METAP1: variants seen among roughly 807,000 people sequenced by gnomAD.
METAP1 encodes the protein methionyl aminopeptidase 1, also known as methionine aminopeptidase 1.
METAP1 carries 28 observed loss-of-function variants against 53.8 expected under a neutral mutation model. The ratio of observed to expected loss-of-function variants is 0.52; its 90% confidence interval spans 0.39 to 0.71. The LOEUF (loss-of-function observed/expected upper bound fraction) is 0.71. Ranked by LOEUF, METAP1 falls within the 30% of genes least tolerant of loss-of-function variation. The probability of loss-of-function intolerance (pLI) is 0.00; values close to 1 mark genes in which losing one functional copy is unlikely to be tolerated. For missense variants in METAP1, 389 were observed against 479.8 expected (o/e 0.81, Z 1.77); for synonymous variants, 181 against 165.7 (o/e 1.09, Z -0.71).
chr4:99,056,861 G>A (rs781692664), intron 9 of METAP1, among the ~76,000 whole-genome samples: 1 of 150,436 alleles, frequency 6.6e-6, no homozygotes, highest in Non-Finnish European at 1.5e-5. Flanking sequence ...GAGCCACTGC[G>A]CCCGGCCTTG....
chr4:99,054,794 C>T (rs1726977076), intron 9 of METAP1, among the ~76,000 whole-genome samples: 1 of 152,046 alleles, frequency 6.6e-6, no homozygotes, highest in Admixed American at 6.6e-5. Context: ...ATAGGGAGGC[C>T]TGAGGAGAGG....
Position 98,999,508 on chromosome 4 carries a change from A to ATTT in METAP1, c.114+3659_114+3661dup, listed in dbSNP as rs58336779. On this transcript the variant is annotated intron_variant, in intron 1 of 10. Transcript: ENST00000296411. ...AGAAATATTTTATCTAGGATGCTTA[A>ATTT]TTTTTTTTTTTTTTTTTTTTGAGAC... 4.0e-4 allele frequency among the ~76,000 whole-genome samples: 45 copies of ATTT among 113,042 alleles called. 2 individuals are homozygous for ATTT. Among genetic ancestry groups the ATTT allele is most frequent in the African/African-American group, 1.7e-3 (44 of 25,846 alleles). 74.2% of individuals were successfully genotyped at this position (113,042 alleles called of 152,430 possible).
At position 99,043,360 on chromosome 4, in the gene METAP1, C is replaced by G. The variant is rs538234745; in HGVS notation, c.628C>G (p.Pro210Ala). 14 of 1,602,538 alleles carry G rather than the reference C, an allele frequency of 8.7e-6. No homozygotes were observed. In the East Asian group the frequency reaches 3.1e-4, roughly 36 times the overall value. ...VICHGIPDRR[P>A]LQEGDIVNVD... ...TTGCCATGGAATACCAGACAGAAGG[C>G]CCTTACAAGAAGGTGACATTGTTAA... is the stretch of plus-strand genomic sequence containing the variant. The change falls in exon 7 of 11, where the codon CCC (proline) becomes GCC (alanine). Residue 210 changes from proline to alanine, a missense_variant. By Grantham distance (27) the Pro-to-Ala change is conservative. Transcript: ENST00000296411.
intron 1 of METAP1, among the ~76,000 whole-genome samples, chr4:99,021,316 A>G (rs1035786808): frequency 6.6e-6 from 1 of 152,162 alleles, no homozygotes; most frequent in Non-Finnish European, 1.5e-5. Flanking sequence ...TGGCTCATGC[A>G]CGAGGTCTCC....
intron 8 of METAP1, among the ~76,000 whole-genome samples, chr4:99,046,952 A>AG (rs1194874694): frequency 2.0e-5 from 3 of 150,704 alleles, no homozygotes; most frequent in Admixed American, 1.3e-4. Context: ...AAAAAAAAAA[A>AG]AAAAAAGAAA....
chr4:99,050,441 C>T (rs1162785467), intron 9 of METAP1, among the ~76,000 whole-genome samples: 2 of 152,144 alleles, frequency 1.3e-5, no homozygotes, highest in Non-Finnish European at 2.9e-5. Context: ...TGCTGTAGTG[C>T]AGGTGTGAGG....
Position 99,062,418 on chromosome 4 carries a change from A to G in METAP1, c.*1101A>G, listed in dbSNP as rs566071683. The G allele has an allele frequency of 6.5e-6, 1 of 152,742 alleles. No individual in the cohort carries two copies. Among genetic ancestry groups the G allele is most frequent in the South Asian group, 2.1e-4 (1 of 4,820 alleles). 9.5% of individuals were successfully genotyped at this position (152,742 alleles called of 1,614,324 possible). ...ATAGTTGGGAACCTCATTAGAAATG[A>G]CCTCAGCTGCCCCATATCTACGTTC... On this transcript the variant is annotated 3_prime_UTR_variant, in exon 11 of 11. Transcript: ENST00000296411.
intron 1 of METAP1, chr4:99,025,634 C>T (rs1454405659): frequency 6.9e-6 from 2 of 288,576 alleles, no homozygotes; most frequent in Non-Finnish European, 5.2e-6. Context: ...CTGCCAACCA[C>T]CCTGGCCCCC....
intron 1 of METAP1, among the ~76,000 whole-genome samples, chr4:99,008,227 A>T (rs1723274532): frequency 1.3e-5 from 2 of 152,194 alleles, no homozygotes; most frequent in African/African-American, 4.8e-5. Context: ...CATTCTCTGC[A>T]GGGAAAGGAT....
intron 5 of METAP1, among the ~76,000 whole-genome samples, chr4:99,039,977 T>A (rs1725740246): frequency 6.6e-6 from 1 of 152,212 alleles, no homozygotes; most frequent in Non-Finnish European, 1.5e-5. Context: ...TCTGCCCGCC[T>A]CGGCCTCCCA....
intron 1 of METAP1, among the ~76,000 whole-genome samples, chr4:99,002,864 G>A (rs1008912610): frequency 1.3e-5 from 2 of 152,036 alleles, no homozygotes; most frequent in Admixed American, 1.3e-4. Flanking sequence ...ATCTTGCTAC[G>A]AGATCAGCCT....
intron 1 of METAP1, among the ~76,000 whole-genome samples, chr4:99,007,274 A>G (rs372996799): frequency 1.4e-4 from 21 of 152,140 alleles, no homozygotes; most frequent in African/African-American, 5.1e-4. Context: ...GCTGTTGACA[A>G]GACTCATAGG....
chr4:99,051,391 A>G (rs1249164696), intron 9 of METAP1, among the ~76,000 whole-genome samples: 1 of 152,044 alleles, frequency 6.6e-6, no homozygotes, highest in Non-Finnish European at 1.5e-5. Context: ...GGTGTACTTT[A>G]TTTTATATAG....
intron 1 of METAP1, among the ~76,000 whole-genome samples, chr4:99,024,148 C>T (rs1324321413): frequency 2.0e-5 from 3 of 152,168 alleles, no homozygotes; most frequent in Non-Finnish European, 4.4e-5. Context: ...GGAAAAGCAT[C>T]GTAAAAATCC....
chr4:99,021,248 C>T (rs78114079), intron 1 of METAP1, among the ~76,000 whole-genome samples: 212 of 152,324 alleles, frequency 1.4e-3, no homozygotes, highest in Middle Eastern at 6.8e-3. Flanking sequence ...TCACACAACC[C>T]TTCAAGGAAG....
chr4:99,043,279 C>T lies in METAP1; in HGVS notation c.547C>T (p.Pro183Ser). 2 of 1,601,924 alleles carry T rather than the reference C, an allele frequency of 1.2e-6. No individual in the cohort carries two copies. Among genetic ancestry groups the T allele is most frequent in the Non-Finnish European group, 1.7e-6 (2 of 1,171,252 alleles). The change falls in exon 7 of 11, where the codon CCC becomes TCC. Residue 183 changes from proline (P) to serine (S), a missense_variant. Transcript: ENST00000296411. ...ACIARNCYPSPLNYYNFPKSC... is the reference protein window; with the variant it reads ...ACIARNCYPSSLNYYNFPKSC... ...TATTGCAAGAAATTGCTACCCTTCT[C>T]CCCTGAATTATTATAATTTCCCAAA... is the stretch of plus-strand genomic sequence containing the variant.
At chr4:99,004,011 C>T (rs750780953) in intron 1 of METAP1, among the ~76,000 whole-genome samples, 1 of 152,168 alleles carries the variant, frequency 6.6e-6, no homozygotes. Flanking sequence ...ATGGCTCCCC[C>T]TCTTTGGGTT....
intron 1 of METAP1, among the ~76,000 whole-genome samples, chr4:99,000,842 C>T (rs1560689414): frequency 1.3e-5 from 2 of 151,726 alleles, no homozygotes; most frequent in South Asian, 4.2e-4. Context: ...TAGCTGGGAA[C>T]ACCAGTTTGA....
At chr4:99,053,115 A>G (rs1219628039) in intron 9 of METAP1, among the ~76,000 whole-genome samples, 1 of 152,170 alleles carries the variant, frequency 6.6e-6, no homozygotes, top group African/African-American at 2.4e-5. Context: ...TTGCTCCACT[A>G]AGTTTCAAAC....
Sources: allele counts gnomAD v4.1 joint callset (sites outside exome capture counted in the v4.1 genomes callset), GRCh38; gene constraint gnomAD v4.1.1; transcripts MANE v1.5; gene names NCBI Gene and HGNC (gene_info 2026-07-23, HGNC 2026-07-21).